Variants in CSGALNACT1 observed in about 807,000 individuals in gnomAD.
CSGALNACT1 encodes beta4GalNAcT-1.
In CSGALNACT1, 52 loss-of-function variants were observed where a neutral mutation model predicts 51.0. The observed-to-expected ratio is 1.02, with a 90% CI of 0.82 to 1.29. The LOEUF (loss-of-function observed/expected upper bound fraction) is 1.29, where lower values mean the gene tolerates loss of function less well. Among genes scored for constraint, CSGALNACT1 ranks in the 50% most tolerant of loss-of-function variants. CSGALNACT1 has a pLI of 0.00. For missense variants in CSGALNACT1, 935 were observed against 679.2 expected (o/e 1.38, Z -4.19); for synonymous variants, 341 against 254.4 (o/e 1.34, Z -3.24).
intron 1 of CSGALNACT1, among the ~76,000 whole-genome samples, chr8:19,643,040 G>A (rs1161896721): frequency 6.6e-6 from 1 of 151,708 alleles, no homozygotes; most frequent in Non-Finnish European, 1.5e-5. Flanking sequence ...CTAAAATGAT[G>A]GCAGGAATCA....
chr8:19,536,829 T>G (rs1409499044), intron 3 of CSGALNACT1, among the ~76,000 whole-genome samples: 1 of 152,060 alleles, frequency 6.6e-6, no homozygotes, highest in African/African-American at 2.4e-5. Context: ...AACAACAAAG[T>G]AGAATAGAGA....
chr8:19,613,444 C>A (rs901834372), intron 1 of CSGALNACT1, among the ~76,000 whole-genome samples: 2 of 152,180 alleles, frequency 1.3e-5, no homozygotes, highest in Admixed American at 6.5e-5. Flanking sequence ...TCACCATGCG[C>A]ACACTATTTT....
At chr8:19,468,563 G>C (rs1458565854) in intron 4 of CSGALNACT1, among the ~76,000 whole-genome samples, 1 of 152,124 alleles carries the variant, frequency 6.6e-6, no homozygotes, top group African/African-American at 2.4e-5. Context: ...AGATCAGAGA[G>C]CAACAAGGAA....
chr8:19,531,033 A>G (rs1301056927), intron 3 of CSGALNACT1, among the ~76,000 whole-genome samples: 2 of 152,194 alleles, frequency 1.3e-5, no homozygotes, highest in African/African-American at 4.8e-5. Context: ...ATACCTAAGA[A>G]TCTGAACCCG....
upstream of CSGALNACT1, among the ~76,000 whole-genome samples, chr8:19,605,477 T>C (rs149500810): frequency 4.8e-3 from 732 of 152,318 alleles, 4 homozygotes; most frequent in African/African-American, 0.016. Context: ...TCACTCGTTC[T>C]TGTATCCGGG....
At chr8:19,632,323 A>G (rs1312402934) in intron 1 of CSGALNACT1, among the ~76,000 whole-genome samples, 1 of 152,268 alleles carries the variant, frequency 6.6e-6, no homozygotes, top group Non-Finnish European at 1.5e-5. Flanking sequence ...CTTAATGAGC[A>G]AGATCAAACC....
chr8:19,439,997 T>C (rs1266147761), intron 5 of CSGALNACT1, 66 bp from the exon 5 acceptor site: 6 of 1,325,730 alleles, frequency 4.5e-6, no homozygotes, highest in African/African-American at 2.9e-5. Flanking sequence ...CACAAACCAA[T>C]ACCTTTTTGT....
At chr8:19,415,617 A>G (rs1379368233) in intron 8 of CSGALNACT1, among the ~76,000 whole-genome samples, 4 of 152,224 alleles carry the variant, frequency 2.6e-5, no homozygotes, top group African/African-American at 9.6e-5. Flanking sequence ...CCCTGCAGGA[A>G]TAATAATACA....
chr8:19,548,875 G>C (rs916187618), intron 3 of CSGALNACT1, among the ~76,000 whole-genome samples: 4 of 152,138 alleles, frequency 2.6e-5, no homozygotes, highest in East Asian at 1.9e-4. Context: ...CTACAGTAGA[G>C]TGGTGCAGTC....
upstream of CSGALNACT1, among the ~76,000 whole-genome samples, chr8:19,603,424 C>A (rs1199815797): frequency 6.6e-6 from 1 of 152,222 alleles, no homozygotes; most frequent in Non-Finnish European, 1.5e-5. Context: ...GGCCCCAACT[C>A]GGTCCTCTAC....
At chr8:19,704,577 A>G (rs2062054156) in intron 1 of CSGALNACT1, among the ~76,000 whole-genome samples, 1 of 152,238 alleles carries the variant, frequency 6.6e-6, no homozygotes. Context: ...TTCTGGGTAT[A>G]TACACAAGGA....
upstream of CSGALNACT1, among the ~76,000 whole-genome samples, chr8:19,606,989 A>C (rs986822901): frequency 1.3e-5 from 2 of 152,026 alleles, no homozygotes; most frequent in African/African-American, 4.8e-5. Context: ...CCCTGTCTGT[A>C]CTAAAAATAC....
At chr8:19,710,447 A>G (rs2062435285) in intron 1 of CSGALNACT1, among the ~76,000 whole-genome samples, 1 of 152,224 alleles carries the variant, frequency 6.6e-6, no homozygotes, top group East Asian at 1.9e-4. Flanking sequence ...GTGACACGAA[A>G]CACACCAAGT....
chr8:19,468,974 G>A (rs143736873), intron 4 of CSGALNACT1, among the ~76,000 whole-genome samples: 1,565 of 152,294 alleles, frequency 0.01, 8 homozygotes, highest in Non-Finnish European at 0.016. Flanking sequence ...TCACTGAGAA[G>A]TCCCAATGAC....
rs574844336 is a variant in CSGALNACT1, at chr8:19,654,422, G to A, written c.-544+28051C>T. Among the ~76,000 whole-genome samples, 3 of 152,320 alleles carry A rather than the reference G, an allele frequency of 2.0e-5. No individual in the cohort carries two copies. The East Asian group carries it at 5.8e-4, about 29-fold the overall frequency. On this transcript the variant is annotated intron_variant, in intron 1 of 9. Coordinates refer to the CSGALNACT1 transcript ENST00000332246. ...GGAAAGAGAAAAGCTTTCGAATCAGGTGAACTTAAATCCAGATCACAGCAG... is the reference window on the plus strand; with the variant it reads ...GGAAAGAGAAAAGCTTTCGAATCAGATGAACTTAAATCCAGATCACAGCAG...
chr8:19,416,522 C>G (rs926996124), intron 8 of CSGALNACT1, among the ~76,000 whole-genome samples: 1 of 152,234 alleles, frequency 6.6e-6, no homozygotes, highest in African/African-American at 2.4e-5. Context: ...TCACCATCCA[C>G]TCATTTACTC....
At chr8:19,542,553 T>G (rs939065851) in intron 3 of CSGALNACT1, among the ~76,000 whole-genome samples, 7 of 152,114 alleles carry the variant, frequency 4.6e-5, no homozygotes, top group African/African-American at 1.7e-4. Context: ...AGTGACACCC[T>G]GAGAAATCCT....
chr8:19,528,405 G>C (rs1381723966), intron 3 of CSGALNACT1, among the ~76,000 whole-genome samples: 2 of 151,968 alleles, frequency 1.3e-5, no homozygotes, highest in African/African-American at 2.4e-5. Flanking sequence ...GTGATAAAGA[G>C]AGACAAAACA....
chr8:19,675,618 G>T (rs964303269), intron 1 of CSGALNACT1, among the ~76,000 whole-genome samples: 1 of 152,014 alleles, frequency 6.6e-6, no homozygotes, highest in East Asian at 1.9e-4. Flanking sequence ...TCAGCCTCCT[G>T]AGTAGCTGGG....
Sources: allele counts gnomAD v4.1 joint callset (sites outside exome capture counted in the v4.1 genomes callset), GRCh38; gene constraint gnomAD v4.1.1; transcripts MANE v1.5; gene names NCBI Gene and HGNC (gene_info 2026-07-23, HGNC 2026-07-21).